CNTN4: variants seen among roughly 807,000 people sequenced by gnomAD.
CNTN4 encodes the protein contactin 4.
CNTN4 carries 77 observed loss-of-function variants against 122.5 expected under a neutral mutation model. That is an observed-to-expected ratio of 0.63 (90% CI 0.52 to 0.76). CNTN4 has a LOEUF of 0.76. Among genes scored for constraint, CNTN4 ranks in the 30% least tolerant of loss-of-function variants. The pLI is 0.00. For missense variants in CNTN4, 1,256 were observed against 1,259.1 expected (o/e 1.00, Z 0.04); for synonymous variants, 512 against 447.0 (o/e 1.15, Z -1.83).
rs2079415382 is a variant in CNTN4, at chr3:2,571,418, T to G, written c.-86T>G. The G allele has an allele frequency of 4.3e-6, 4 of 920,332 alleles. No individual in the cohort carries two copies. The highest frequency in any genetic ancestry group is 7.3e-6 in the Non-Finnish European group (4 of 549,522). 57.0% of individuals were successfully genotyped at this position (920,332 alleles called of 1,614,324 possible). A position where few individuals can be genotyped will look rare whatever the true frequency, so the allele number is the denominator to read the frequency against. On this transcript the variant is annotated splice_region_variant and 5_prime_UTR_variant, in exon 4 of 25. It adds an upstream start codon to the 5' untranslated region. Coordinates refer to ENST00000418658, the MANE Select transcript of CNTN4 (RefSeq NM_175607.3). ...GTAATGTCTCTTCTTTCCCACAGAT[T>G]AAAGGTTATACAAAACTTAAAAGAA...
At chr3:2,211,194 G>A (rs1020970745) in intron 2 of CNTN4, among the ~76,000 whole-genome samples, 2 of 152,096 alleles carry the variant, frequency 1.3e-5, no homozygotes, top group Non-Finnish European at 2.9e-5. Context: ...AAGAGAGAGT[G>A]TGGCGGGGGT....
chr3:2,334,624 G>T (rs1164913569), intron 2 of CNTN4, among the ~76,000 whole-genome samples: 1 of 152,154 alleles, frequency 6.6e-6, no homozygotes, highest in Non-Finnish European at 1.5e-5. Flanking sequence ...TTTGTCCACT[G>T]ATTATTTAAA....
At chr3:2,970,249 C>T (rs1461860375) in intron 13 of CNTN4, among the ~76,000 whole-genome samples, 1 of 151,678 alleles carries the variant, frequency 6.6e-6, no homozygotes, top group African/African-American at 2.4e-5. Context: ...TGCATGCCCC[C>T]ACACCCGGCC....
intron 3 of CNTN4, among the ~76,000 whole-genome samples, chr3:2,568,453 G>A (rs2079279500): frequency 6.6e-6 from 1 of 151,842 alleles, no homozygotes; most frequent in Non-Finnish European, 1.5e-5. Context: ...CTCATTCTTG[G>A]GCAGGATCTC....
intron 5 of CNTN4, among the ~76,000 whole-genome samples, chr3:2,742,538 A>G (rs898531000): frequency 6.6e-6 from 1 of 152,152 alleles, no homozygotes; most frequent in African/African-American, 2.4e-5. Flanking sequence ...ACCATCAACA[A>G]AGAAAGAGGA....
chr3:2,486,606 A>G (rs1174828139), intron 3 of CNTN4, among the ~76,000 whole-genome samples: 1 of 152,238 alleles, frequency 6.6e-6, no homozygotes, highest in African/African-American at 2.4e-5. Context: ...TAAAAAAATT[A>G]TAAGACACTA....
intron 2 of CNTN4, among the ~76,000 whole-genome samples, chr3:2,160,490 A>G (rs1445870546): frequency 6.6e-6 from 1 of 152,184 alleles, no homozygotes; most frequent in Admixed American, 6.5e-5. Flanking sequence ...AAAATTTTAA[A>G]ATGAAGATTA....
At chr3:2,847,205 G>C (rs1470230040) in intron 7 of CNTN4, among the ~76,000 whole-genome samples, 1 of 150,504 alleles carries the variant, frequency 6.6e-6, no homozygotes, top group African/African-American at 2.4e-5. Flanking sequence ...TTTTCTAATA[G>C]CTAAACTGTG....
intron 12 of CNTN4, among the ~76,000 whole-genome samples, chr3:2,921,515 T>C (rs1247181477): frequency 6.6e-6 from 1 of 152,232 alleles, no homozygotes; most frequent in Non-Finnish European, 1.5e-5. Context: ...TTAATGCATT[T>C]ACTCTAAGCT....
chr3:2,514,011 T>G (rs1015922809), intron 3 of CNTN4, among the ~76,000 whole-genome samples: 1 of 152,176 alleles, frequency 6.6e-6, no homozygotes, highest in African/African-American at 2.4e-5. Flanking sequence ...CCAACAACAT[T>G]GTGGACAATT....
intron 14 of CNTN4, among the ~76,000 whole-genome samples, chr3:2,995,360 C>T (rs1044393314): frequency 6.6e-6 from 1 of 152,136 alleles, no homozygotes. Context: ...ATGCCTTTGG[C>T]GATATCAATC....
intron 24 of CNTN4, among the ~76,000 whole-genome samples, chr3:3,054,295 T>C (rs1446799311): frequency 2.0e-5 from 1 of 50,764 alleles, no homozygotes; most frequent in Non-Finnish European, 6.8e-5. Flanking sequence ...GTTTAGAAAG[T>C]GAAAAGCATT....
chr3:2,834,059 T>A (rs908882488), intron 7 of CNTN4, among the ~76,000 whole-genome samples: 7 of 151,862 alleles, frequency 4.6e-5, no homozygotes, highest in African/African-American at 1.7e-4. Flanking sequence ...GGCAGGAGAA[T>A]CACTTGATCA....
chr3:2,348,275 G>T (rs1415199493), intron 3 of CNTN4, among the ~76,000 whole-genome samples: 1 of 152,138 alleles, frequency 6.6e-6, no homozygotes, highest in Non-Finnish European at 1.5e-5. Context: ...ATTTCTTATA[G>T]GGGTCATATT....
chr3:2,214,467 G>C (rs760724169), intron 2 of CNTN4, among the ~76,000 whole-genome samples: 14 of 152,070 alleles, frequency 9.2e-5, no homozygotes, highest in Non-Finnish European at 2.1e-4. Flanking sequence ...TTTCTTGAAA[G>C]GGGTGATGTC....
At chr3:2,548,051 T>C (rs2078321114) in intron 3 of CNTN4, among the ~76,000 whole-genome samples, 1 of 152,090 alleles carries the variant, frequency 6.6e-6, no homozygotes. Flanking sequence ...CTGGATATTA[T>C]CCCTTTCTCA....
At chr3:2,777,192 T>A (rs2091357213) in intron 6 of CNTN4, among the ~76,000 whole-genome samples, 1 of 152,170 alleles carries the variant, frequency 6.6e-6, no homozygotes, top group African/African-American at 2.4e-5. Context: ...GAAAATCACA[T>A]TTGTGTTTTA....
At chr3:2,455,693 C>T (rs563894071) in intron 3 of CNTN4, among the ~76,000 whole-genome samples, 2 of 152,148 alleles carry the variant, frequency 1.3e-5, no homozygotes, top group African/African-American at 4.8e-5. Context: ...TTTGTTTAGC[C>T]AGACGTGTCT....
chr3:2,259,466 C>T (rs897695478), intron 2 of CNTN4, among the ~76,000 whole-genome samples: 3 of 152,118 alleles, frequency 2.0e-5, no homozygotes, highest in Non-Finnish European at 2.9e-5. Flanking sequence ...TCCGTTTTCA[C>T]GCTGCTGATA....
Sources: gnomAD v4.1 joint callset for allele counts (sites outside exome capture counted in the v4.1 genomes callset) on GRCh38, gnomAD v4.1.1 for gene constraint, MANE v1.5 for transcripts, NCBI Gene and HGNC (gene_info 2026-07-23, HGNC 2026-07-21) for gene names.